Variants in CSMD1 observed in about 807,000 individuals in gnomAD.
CSMD1 encodes CUB and sushi domain-containing protein 1.
A neutral mutation model predicts 417.5 loss-of-function variants in CSMD1; 213 were observed. The observed-to-expected ratio is 0.51, with a 90% CI of 0.46 to 0.57. CSMD1 has a LOEUF of 0.57. CSMD1 is among the 20% of genes least tolerant of loss of function. The pLI is 0.00. For missense variants in CSMD1, 6,923 were observed against 4,529.7 expected (o/e 1.53, Z -15.17); for synonymous variants, 2,862 against 1,736.8 (o/e 1.65, Z -16.11).
rs71209121 is a variant in CSMD1, at chr8:4,753,403, CCACACACACACACA to C, written c.86-115859_86-115846del. Among the ~76,000 whole-genome samples, 661 of 137,868 alleles carry C rather than the reference CCACACACACACACA, an allele frequency of 4.8e-3. 9 individuals carry two copies. Among genetic ancestry groups the C allele is most frequent in the East Asian group, 0.021 (101 of 4,900 alleles). 90.4% of individuals were successfully genotyped at this position (137,868 alleles called of 152,430 possible). On this transcript the variant is annotated intron_variant, in intron 1 of 69. Coordinates refer to ENST00000635120, the MANE Select transcript of CSMD1 (RefSeq NM_033225.6). ...TCTCTTCCCTACTTTCCACCATAAA[CCACACACACACACA>C]CACACACACACACACACACACACAC...
intron 18 of CSMD1, 50 bp downstream of exon 18, chr8:3,387,444 G>A (rs369560853): frequency 7.5e-6 from 11 of 1,459,096 alleles, no homozygotes; most frequent in African/African-American, 5.6e-5. Flanking sequence ...AGACGTGTGC[G>A]CTGTCTCTGC....
rs1395420595 is a variant in CSMD1, at chr8:3,616,772, G to C, written c.1035C>G (p.Val345=). 12 of 1,612,150 alleles carry C rather than the reference G, an allele frequency of 7.4e-6. No homozygotes were observed. Among genetic ancestry groups the C allele is most frequent in the Middle Eastern group, 1.7e-4 (1 of 6,054 alleles). ...SVLSQGGVAL[V]SDMCPDPGIP... Reference sequence around the variant, plus strand: ...TCCCAGGATCTGGACACATGTCAGAGACCAATGCAACACCTCCTTGGCTCA... The same window carrying C: ...TCCCAGGATCTGGACACATGTCAGACACCAATGCAACACCTCCTTGGCTCA... Residue 345 remains valine, a synonymous_variant, in exon 8 of 70, where the codon GTC becomes GTG. Transcript: ENST00000635120.
intron 1 of CSMD1, among the ~76,000 whole-genome samples, chr8:4,991,517 C>G (rs2117480623): frequency 6.6e-6 from 1 of 152,328 alleles, no homozygotes; most frequent in African/African-American, 2.4e-5. Flanking sequence ...AACTCTGCGC[C>G]TGCCTTCGCC....
At chr8:3,855,555 A>G (rs1221050260) in intron 5 of CSMD1, among the ~76,000 whole-genome samples, 1 of 152,208 alleles carries the variant, frequency 6.6e-6, no homozygotes. Flanking sequence ...AATGAGTTTA[A>G]CAGAAATACT....
intron 41 of CSMD1, chr8:3,128,895 A>G: frequency 2.2e-6 from 1 of 454,646 alleles, no homozygotes; most frequent in South Asian, 1.6e-5. Flanking sequence ...ATGTTTCCAG[A>G]TCCTCCTATT....
At chr8:3,059,318 G>A (rs1812438340) in intron 49 of CSMD1, among the ~76,000 whole-genome samples, 1 of 149,670 alleles carries the variant, frequency 6.7e-6, no homozygotes, top group South Asian at 2.1e-4. Context: ...GAGGGCTTCT[G>A]TCTTTATAAG....
intron 41 of CSMD1, among the ~76,000 whole-genome samples, chr8:3,123,862 T>C (rs1817349187): frequency 6.6e-6 from 1 of 152,226 alleles, no homozygotes; most frequent in South Asian, 2.1e-4. Flanking sequence ...GTTAATAGTA[T>C]GTAAGGCATT....
At chr8:3,003,736 G>A (rs1807631148) in intron 52 of CSMD1, among the ~76,000 whole-genome samples, 1 of 152,150 alleles carries the variant, frequency 6.6e-6, no homozygotes, top group Admixed American at 6.5e-5. Context: ...GGGAACGAGT[G>A]GAAGGAACAC....
chr8:3,939,986 C>T (rs1478449812), intron 5 of CSMD1, among the ~76,000 whole-genome samples: 1 of 152,036 alleles, frequency 6.6e-6, no homozygotes, highest in African/African-American at 2.4e-5. Flanking sequence ...AACCAAAAAC[C>T]ACCTGTACCC....
intron 1 of CSMD1, among the ~76,000 whole-genome samples, chr8:4,833,523 T>C (rs529106929): frequency 7.2e-5 from 11 of 152,328 alleles, no homozygotes; most frequent in Non-Finnish European, 1.0e-4. Flanking sequence ...CCAAACCCTA[T>C]CACCCACTAA....
chr8:4,293,972 T>A (rs1474483019), intron 3 of CSMD1, among the ~76,000 whole-genome samples: 1 of 151,884 alleles, frequency 6.6e-6, no homozygotes, highest in African/African-American at 2.4e-5. Context: ...AAGCTGGTGC[T>A]TTTTGAACTT....
At chr8:3,451,477 T>A (rs542845726) in intron 12 of CSMD1, among the ~76,000 whole-genome samples, 48 of 152,346 alleles carry the variant, frequency 3.2e-4, no homozygotes, top group Non-Finnish European at 3.5e-4. Flanking sequence ...CAATTCATCT[T>A]GAATTAATTT....
chr8:3,304,089 T>C (rs988281470), intron 25 of CSMD1, among the ~76,000 whole-genome samples: 1 of 152,250 alleles, frequency 6.6e-6, no homozygotes, highest in South Asian at 2.1e-4. Context: ...AAACCAGCCT[T>C]TTCATATTTT....
intron 5 of CSMD1, among the ~76,000 whole-genome samples, chr8:3,928,364 T>C (rs1163365129): frequency 2.1e-5 from 3 of 143,274 alleles, no homozygotes; most frequent in Non-Finnish European, 3.2e-5. Context: ...ATTGCCCTTT[T>C]TAAAGTGCAT....
chr8:4,535,058 G>A (rs1346733050), intron 2 of CSMD1, among the ~76,000 whole-genome samples: 1 of 152,180 alleles, frequency 6.6e-6, no homozygotes, highest in African/African-American at 2.4e-5. Context: ...ACCACGCCTG[G>A]CCAATTTATT....
At chr8:3,495,831 C>T (rs561862460) in intron 10 of CSMD1, among the ~76,000 whole-genome samples, 4 of 152,182 alleles carry the variant, frequency 2.6e-5, no homozygotes, top group African/African-American at 9.6e-5. Flanking sequence ...TATGCACCCT[C>T]CTTATGTCTT....
intron 2 of CSMD1, among the ~76,000 whole-genome samples, chr8:4,462,733 A>G (rs1436087458): frequency 7.9e-5 from 12 of 152,134 alleles, no homozygotes; most frequent in Non-Finnish European, 1.8e-4. Context: ...AACAATCAAG[A>G]AAAAAATAGT....
intron 5 of CSMD1, among the ~76,000 whole-genome samples, chr8:3,809,974 C>T (rs550683087): frequency 6.6e-6 from 1 of 152,320 alleles, no homozygotes; most frequent in African/African-American, 2.4e-5. Flanking sequence ...AACTTCTTTG[C>T]TGCAGGCCAA....
At chr8:4,554,228 C>T (rs550832316) in intron 2 of CSMD1, among the ~76,000 whole-genome samples, 125 of 152,160 alleles carry the variant, frequency 8.2e-4, no homozygotes, top group African/African-American at 2.9e-3. Context: ...CCTATGCTTC[C>T]CGGGTTCAAG....
Sources: allele counts gnomAD v4.1 joint callset (sites outside exome capture counted in the v4.1 genomes callset), GRCh38; gene constraint gnomAD v4.1.1; transcripts MANE v1.5; gene names NCBI Gene and HGNC (gene_info 2026-07-23, HGNC 2026-07-21).